Variants in ERAP2 observed in about 807,000 individuals in gnomAD.
ERAP2 encodes the protein endoplasmic reticulum aminopeptidase 2.
A neutral mutation model predicts 111.1 loss-of-function variants in ERAP2; 118 were observed. The observed-to-expected ratio is 1.06, with a 90% CI of 0.92 to 1.24. The LOEUF (loss-of-function observed/expected upper bound fraction) is 1.24, where lower values mean the gene tolerates loss of function less well. Ranked by LOEUF, ERAP2 falls within the 50% of genes most tolerant of loss-of-function variation. ERAP2 has a pLI of 0.00. For synonymous variants in ERAP2, 410 were observed against 401.2 expected (o/e 1.02, Z -0.26); for missense variants, 1,131 against 1,125.8 (o/e 1.00, Z -0.07).
chr5:96,913,778 G>C (rs1230291100), intron 17 of ERAP2, among the ~76,000 whole-genome samples: 1 of 152,162 alleles, frequency 6.6e-6, no homozygotes, highest in Non-Finnish European at 1.5e-5. Flanking sequence ...CAGCCCAGAA[G>C]AATCCCAAGA....
Position 96,892,569 on chromosome 5 carries a change from G to A in ERAP2, c.1125+116G>A, listed in dbSNP as rs1029504989. The A allele has an allele frequency of 4.9e-6, 6 of 1,223,102 alleles. No individual in the cohort carries two copies. In the African/African-American group the frequency reaches 9.1e-5, roughly 18 times the overall value. 75.8% of individuals were successfully genotyped at this position (1,223,102 alleles called of 1,614,324 possible). A position where few individuals can be genotyped will look rare whatever the true frequency, so the allele number is the denominator to read the frequency against. On this transcript the variant is annotated intron_variant, in intron 6 of 18. Transcript: ENST00000437043. ...TCATTTACCTCTAGAGGGGAACTTA[G>A]AGACTACTAAACCTAACACAACGTC... is the stretch of plus-strand genomic sequence containing the variant.
intron 7 of ERAP2, among the ~76,000 whole-genome samples, chr5:96,896,018 C>A (rs568105019): frequency 6.6e-6 from 1 of 152,198 alleles, no homozygotes; most frequent in East Asian, 1.9e-4. Flanking sequence ...AATGCATATA[C>A]CATATCTCCC....
chr5:96,907,893 AAAT>A (rs1786272416), intron 13 of ERAP2, among the ~76,000 whole-genome samples: 1 of 135,864 alleles, frequency 7.4e-6, no homozygotes, highest in African/African-American at 2.7e-5. Context: ...CAAAAAAAAA[AAAT>A]ATATATATAT....
At chr5:96,891,525 A>G (rs796770804) in intron 5 of ERAP2, among the ~76,000 whole-genome samples, 1 of 30,480 alleles carries the variant, frequency 3.3e-5, no homozygotes, top group African/African-American at 1.3e-4. Flanking sequence ...ATGCCCATAT[A>G]CGGTATATAT....
chr5:96,882,626 G>T (rs1554054698), intron 2 of ERAP2, among the ~76,000 whole-genome samples: 1 of 152,158 alleles, frequency 6.6e-6, no homozygotes, highest in Non-Finnish European at 1.5e-5. Context: ...AAAGATTCAG[G>T]TTTTTTTGTT....
chr5:96,890,762 G>T (rs1784259318), intron 5 of ERAP2, among the ~76,000 whole-genome samples: 1 of 152,124 alleles, frequency 6.6e-6, no homozygotes, highest in African/African-American at 2.4e-5. Context: ...TAGTTCCTGA[G>T]TCTTACTCTG....
At chr5:96,897,319 T>G (rs2151164109) in intron 9 of ERAP2, among the ~76,000 whole-genome samples, 1 of 152,336 alleles carries the variant, frequency 6.6e-6, no homozygotes, top group African/African-American at 2.4e-5. Context: ...CTTTACTAGC[T>G]GAAATGCCCT....
chr5:96,885,012 T>C (rs1387039829), intron 3 of ERAP2, among the ~76,000 whole-genome samples: 3 of 152,128 alleles, frequency 2.0e-5, no homozygotes, highest in African/African-American at 7.2e-5. Flanking sequence ...CCCATACACG[T>C]CTATTTAAGG....
Position 96,913,435 on chromosome 5 carries a change from A to T in ERAP2, c.2635A>T (p.Asn879Tyr). 6.2e-7 allele frequency: 1 copy of T among 1,614,124 alleles called. No homozygotes were observed. The highest frequency in any genetic ancestry group is 8.5e-7 in the Non-Finnish European group (1 of 1,179,998). ...QQLAWDFVRE[N>Y]WTHLLKKFDL... is the part of the protein sequence containing the mutation. ...ACTAGCATGGGATTTTGTAAGAGAAAATTGGACCCATCTTCTGAAAAAGTT... is the reference window on the plus strand; with the variant it reads ...ACTAGCATGGGATTTTGTAAGAGAATATTGGACCCATCTTCTGAAAAAGTT... Residue 879 changes from asparagine (N) to tyrosine (Y), a missense_variant, in exon 17 of 19, where the codon AAT (asparagine) becomes TAT (tyrosine). Asn to Tyr is a moderately radical substitution (Grantham distance 143). Around this residue, in one of 3 missense-constraint regions of ERAP2, gnomAD observed 279 missense variants for 250.9 expected, o/e 1.11. Transcript: ENST00000437043.
At position 96,902,348 on chromosome 5, in the gene ERAP2, A is replaced by G. The variant is rs1169685115; in HGVS notation, c.1823A>G (p.Lys608Arg). ...NVIHRHILKS[K>R]TDTLDLPEKT... is the part of the protein sequence containing the mutation. The stretch of plus-strand genomic sequence containing the variant: ...ATCCACAGACACATTCTAAAATCAA[A>G]GACAGGTAATGAACTAATTAGCCAA... Residue 608 changes from lysine (K) to arginine (R), a missense_variant, in exon 12 of 19, where the codon AAG (lysine) becomes AGG (arginine). Physicochemically the swap from Lys to Arg is conservative, Grantham distance 26 (BLOSUM62 2). Around this residue, in one of 3 missense-constraint regions of ERAP2, gnomAD observed 847 missense variants for 856.5 expected, o/e 0.99. Coordinates refer to ENST00000437043, the MANE Select transcript of ERAP2 (RefSeq NM_022350.5). The G allele has an allele frequency of 6.2e-7, 1 of 1,606,898 alleles. No homozygotes were observed. Among genetic ancestry groups the G allele is most frequent in the East Asian group, 2.2e-5 (1 of 44,816 alleles).
At chr5:96,904,559 G>C (rs1019859482) in intron 13 of ERAP2, among the ~76,000 whole-genome samples, 7 of 152,092 alleles carry the variant, frequency 4.6e-5, no homozygotes, top group Admixed American at 1.3e-4. Context: ...GCTCATTGGA[G>C]GCCAAAATTA....
chr5:96,919,159 T>C lies in ERAP2; in HGVS notation c.*1554T>C, dbSNP rs1787737623. The C allele has an allele frequency of 6.6e-6, 1 of 152,212 alleles. No homozygotes were observed. Among genetic ancestry groups the C allele is most frequent in the Non-Finnish European group, 1.5e-5 (1 of 68,030 alleles). 9.4% of individuals were successfully genotyped at this position (152,212 alleles called of 1,614,324 possible). On this transcript the variant is annotated 3_prime_UTR_variant, in exon 19 of 19. Coordinates refer to ENST00000437043, the MANE Select transcript of ERAP2 (RefSeq NM_022350.5). Reference sequence around the variant, plus strand: ...AGGGGAAAGTGTTAGTCAATCCACTTTGGAGCAATATCATGAAGGTCAATT... The same window carrying C: ...AGGGGAAAGTGTTAGTCAATCCACTCTGGAGCAATATCATGAAGGTCAATT...
chr5:96,880,196 A>G lies in ERAP2; in HGVS notation c.511A>G (p.Lys171Glu). 6.2e-7 allele frequency: 1 copy of G among 1,614,122 alleles called. No individual in the cohort carries two copies. The highest frequency in any genetic ancestry group is 1.6e-4 in the Middle Eastern group (1 of 6,062). ...CTATGTGGCTATGGACTTCCAAGCC[A>G]AGTTAGGTGATGGCTTTGAAGGGTT... ...KYYVAMDFQA[K>E]LGDGFEGFYK... The change falls in exon 2 of 19, where the codon AAG becomes GAG. Residue 171 changes from lysine (K) to glutamate (E), a missense_variant. Lys to Glu is a moderately conservative substitution (Grantham distance 56). Around this residue, in one of 3 missense-constraint regions of ERAP2, gnomAD observed 847 missense variants for 856.5 expected, o/e 0.99. Transcript: ENST00000437043.
chr5:96,902,483 C>G, intron 12 of ERAP2, 130 bp downstream of exon 12: 1 of 587,468 alleles, frequency 1.7e-6, no homozygotes, highest in Non-Finnish European at 3.0e-6. Flanking sequence ...TGTCATTTAT[C>G]CATATGTTAC....
At position 96,888,898 on chromosome 5, in the gene ERAP2, A is replaced by G. The variant is rs549762592; in HGVS notation, c.850-287A>G. Among the ~76,000 whole-genome samples, 18 of 152,346 alleles carry G rather than the reference A, an allele frequency of 1.2e-4. No individual in the cohort carries two copies. The South Asian group carries it at 3.3e-3, about 28-fold the overall frequency. On this transcript the variant is annotated intron_variant, in intron 4 of 18. Coordinates refer to ENST00000437043, the MANE Select transcript of ERAP2 (RefSeq NM_022350.5). ...GACGAACTCAAGTGGGTTCCTCTCT[A>G]TGATATACTTGGATTATGATACAAT...
In ERAP2 at chr5:96,883,802, G is replaced by C; in HGVS notation, c.586G>C (p.Val196Leu). Residue 196 changes from valine (V) to leucine (L), a missense_variant, in exon 3 of 19, where the codon GTA becomes CTA. Physicochemically the swap from Val to Leu is conservative, Grantham distance 32. Coordinates refer to ENST00000437043, the MANE Select transcript of ERAP2 (RefSeq NM_022350.5). ...TLGGETRILA[V>L]TDFEPTQARM... ...TGGGTCTTTTCACAGAATTCTTGCA[G>C]TAACAGATTTTGAGCCAACCCAGGC... 1 of 1,610,404 alleles carries C rather than the reference G, an allele frequency of 6.2e-7. No homozygotes were observed. The highest frequency in any genetic ancestry group is 2.2e-5 in the East Asian group (1 of 44,794).
intron 15 of ERAP2, among the ~76,000 whole-genome samples, chr5:96,911,211 G>A (rs1786696891): frequency 6.6e-6 from 1 of 152,114 alleles, no homozygotes; most frequent in African/African-American, 2.4e-5. Context: ...TATCTCAGAG[G>A]GTAGCTTTTG....
chr5:96,879,960 T>C lies in ERAP2; in HGVS notation c.275T>C (p.Val92Ala), dbSNP rs369000300. The change falls in exon 2 of 19, where the codon GTT becomes GCT. Residue 92 changes from valine (V) to alanine (A), a missense_variant. Val to Ala is a moderately conservative substitution (Grantham distance 64). Coordinates refer to ENST00000437043, the MANE Select transcript of ERAP2 (RefSeq NM_022350.5). ...VHPNLTSLDF[V>A]ASEKIEVLVS... is the part of the protein sequence containing the mutation. ...CCCAATCTCACCTCTCTGGACTTTG[T>C]TGCATCTGAGAAGATCGAAGTCTTG... The C allele has an allele frequency of 3.7e-5, 59 of 1,614,076 alleles. No homozygotes were observed. The highest frequency in any genetic ancestry group is 4.9e-5 in the Non-Finnish European group (58 of 1,180,032).
At position 96,917,435 on chromosome 5, in the gene ERAP2, G is replaced by A. The variant is rs140928983; in HGVS notation, c.2740-27G>A. On this transcript the variant is annotated intron_variant, in intron 18 of 18. Transcript: ENST00000437043. The stretch of plus-strand genomic sequence containing the variant: ...CACACTCGGCCAAGACAAAGTGTTA[G>A]TAATTTTTTTCTTCAATATTTTACA... 5.4e-3 allele frequency: 8,633 copies of A among 1,593,968 alleles called. 28 individuals carry two copies. The highest frequency in any genetic ancestry group is 6.6e-3 in the Non-Finnish European group (7,689 of 1,167,972).
Sources: gnomAD v4.1 joint callset for allele counts (sites outside exome capture counted in the v4.1 genomes callset) on GRCh38, gnomAD v4.1.1 for gene constraint, gnomAD v4.1.1 regional missense constraint, MANE v1.5 for transcripts, NCBI Gene and HGNC (gene_info 2026-07-23, HGNC 2026-07-21) for gene names.